Variants in IFT88 observed in about 807,000 individuals in gnomAD.
IFT88 encodes the protein intraflagellar transport 88.
Under a neutral mutation model 119.5 loss-of-function variants are expected in IFT88, and 74 were observed. The observed-to-expected ratio is 0.62, with a 90% CI of 0.51 to 0.75. The LOEUF (loss-of-function observed/expected upper bound fraction) is 0.75. IFT88 is among the 30% of genes least tolerant of loss of function. The pLI is 0.00. For missense variants in IFT88, 961 were observed against 977.7 expected, an observed-to-expected ratio of 0.98 and a Z score of 0.23; for synonymous variants, 279 against 316.7, an observed-to-expected ratio of 0.88 and a Z score of 1.26.
chr13:20,652,742 A>G (rs2140510870), intron 20 of IFT88, among the ~76,000 whole-genome samples: 1 of 152,358 alleles, frequency 6.6e-6, no homozygotes, highest in South Asian at 2.1e-4. Context: ...ATTCAGAAAC[A>G]TAAATAATAA....
chr13:20,570,423 C>A (rs1399740576), intron 1 of IFT88, among the ~76,000 whole-genome samples: 2 of 152,122 alleles, frequency 1.3e-5, no homozygotes, highest in Non-Finnish European at 2.9e-5. Flanking sequence ...CTTGTACACA[C>A]ACATTCATAG....
At chr13:20,665,536 C>T (rs1220777297) in intron 23 of IFT88, among the ~76,000 whole-genome samples, 1 of 152,082 alleles carries the variant, frequency 6.6e-6, no homozygotes, top group Admixed American at 6.5e-5. Flanking sequence ...ATATTATTGA[C>T]AAAAGTCAAC....
chr13:20,691,342 G>A lies in IFT88; in HGVS notation c.*167G>A, dbSNP rs2141363469. Reference sequence around the variant, plus strand: ...CATTTAAGTTGTTTTTTTCTTTTAAGGAATAAAAACAGGTAAAACTAATAC... The same window carrying A: ...CATTTAAGTTGTTTTTTTCTTTTAAAGAATAAAAACAGGTAAAACTAATAC... On this transcript the variant is annotated 3_prime_UTR_variant, in exon 26 of 26. Transcript: ENST00000351808. The A allele has an allele frequency of 7.0e-6, 4 of 572,900 alleles. No individual in the cohort carries two copies. The highest frequency in any genetic ancestry group is 3.2e-5 in the South Asian group (1 of 31,526). The allele number at this position is 572,900 out of a possible 1,614,324, so 35.5% of individuals were successfully genotyped here.
intron 3 of IFT88, among the ~76,000 whole-genome samples, chr13:20,585,955 C>G (rs975074202): frequency 1.3e-5 from 2 of 152,178 alleles, no homozygotes; most frequent in African/African-American, 2.4e-5. Context: ...TTATCTTATT[C>G]ATCATTCTTT....
intron 16 of IFT88, 45 bp from the exon 17 acceptor site, chr13:20,638,287 G>T (rs746404271): frequency 4.9e-6 from 5 of 1,020,076 alleles, no homozygotes; most frequent in Middle Eastern, 2.3e-4. Flanking sequence ...AGTCAGAAAA[G>T]GTATTTCATG....
chr13:20,569,331 T>C (rs1403019793), intron 1 of IFT88, among the ~76,000 whole-genome samples: 1 of 151,718 alleles, frequency 6.6e-6, no homozygotes, highest in Non-Finnish European at 1.5e-5. Context: ...CCCAGCACTT[T>C]GGGAGGCCGA....
At chr13:20,638,593 A>G in intron 17 of IFT88, 75 bp downstream of exon 17, 3 of 1,079,268 alleles carry the variant, frequency 2.8e-6, no homozygotes, top group Non-Finnish European at 3.7e-6. Flanking sequence ...GTTTTGCTTA[A>G]AGAGCTCTAA....
chr13:20,580,386 G>T, intron 2 of IFT88, among the ~76,000 whole-genome samples: 1 of 151,976 alleles, frequency 6.6e-6, no homozygotes, highest in South Asian at 2.1e-4. Flanking sequence ...CCGTGGTGGC[G>T]GGCACCTGTA....
intron 9 of IFT88, among the ~76,000 whole-genome samples, chr13:20,597,557 A>T (rs1382662904): frequency 6.6e-6 from 1 of 152,064 alleles, no homozygotes; most frequent in Non-Finnish European, 1.5e-5. Flanking sequence ...ATCCTGGCTA[A>T]CATGGTGAAA....
intron 3 of IFT88, among the ~76,000 whole-genome samples, chr13:20,585,642 G>C (rs1229334194): frequency 2.6e-5 from 4 of 152,108 alleles, no homozygotes; most frequent in African/African-American, 9.7e-5. Flanking sequence ...CTCCCATTGT[G>C]AATCACATTG....
rs749116069 is a variant in IFT88, at chr13:20,592,330, C to G, written c.329-5C>G. ...TTGAATATTAACTCTTGAATTGTGT[C>G]TCAGGCTCTGCATTTGACCCCCTTA... On this transcript the variant is annotated splice_region_variant and splice_polypyrimidine_tract_variant and intron_variant, in intron 6 of 25. Coordinates refer to ENST00000351808, the MANE Select transcript of IFT88 (RefSeq NM_006531.5). 3.1e-5 allele frequency: 50 copies of G among 1,606,040 alleles called. No individual in the cohort carries two copies. Among genetic ancestry groups the G allele is most frequent in the Non-Finnish European group, 4.0e-5 (47 of 1,176,856 alleles).
chr13:20,674,388 A>C (rs1035074587), intron 24 of IFT88, among the ~76,000 whole-genome samples: 1 of 152,166 alleles, frequency 6.6e-6, no homozygotes, highest in Non-Finnish European at 1.5e-5. Context: ...AGACACAAGA[A>C]TTCCTTCTTA....
intron 2 of IFT88, among the ~76,000 whole-genome samples, chr13:20,575,679 T>C (rs1020697336): frequency 1.3e-5 from 2 of 152,214 alleles, no homozygotes; most frequent in African/African-American, 4.8e-5. Context: ...CAGATACTGA[T>C]ATCATGCTTG....
Position 20,599,529 on chromosome 13 carries a change from C to A in IFT88, c.776C>A (p.Ala259Glu). Residue 259 changes from alanine (A) to glutamate (E), a missense_variant, in exon 11 of 26, where the codon GCA becomes GAA. Transcript: ENST00000351808. The stretch of plus-strand genomic sequence containing the variant: ...AAAGCCATTAAATTCTACCGAATGG[C>A]ATTAGACCAAGTTCCAAGTGTCAAT... ...YSKAIKFYRM[A>E]LDQVPSVNKQ... The A allele has an allele frequency of 6.5e-7, 1 of 1,549,132 alleles. No individual in the cohort carries two copies. The highest frequency in any genetic ancestry group is 8.8e-7 in the Non-Finnish European group (1 of 1,131,504).
chr13:20,618,736 C>A (rs151067929), intron 14 of IFT88, among the ~76,000 whole-genome samples: 13 of 152,186 alleles, frequency 8.5e-5, no homozygotes, highest in Middle Eastern at 3.4e-3. Context: ...TTCAACTGTT[C>A]TACTGAAAAA....
intron 13 of IFT88, 105 bp downstream of exon 13, chr13:20,605,210 T>TA (rs1298938262): frequency 6.4e-6 from 3 of 471,608 alleles, no homozygotes; most frequent in African/African-American, 6.1e-5. Context: ...AATTTAGTTT[T>TA]AATTTTTATA....
chr13:20,612,395 A>G (rs1249688538), intron 13 of IFT88: 1 of 152,218 alleles, frequency 6.6e-6, no homozygotes, highest in Non-Finnish European at 1.5e-5. Context: ...CAAAAATGAA[A>G]TTAACATTTA....
intron 13 of IFT88, among the ~76,000 whole-genome samples, chr13:20,611,564 A>T (rs1474739668): frequency 6.7e-6 from 1 of 148,800 alleles, no homozygotes; most frequent in South Asian, 2.1e-4. Flanking sequence ...TGCACCTAAG[A>T]TCAGGAACAA....
intron 24 of IFT88, among the ~76,000 whole-genome samples, chr13:20,679,104 C>A (rs887979869): frequency 1.2e-4 from 18 of 152,312 alleles, no homozygotes; most frequent in African/African-American, 4.3e-4. Flanking sequence ...CTAACTCTTT[C>A]CCACTCGTGC....
Sources: allele counts gnomAD v4.1 joint callset (sites outside exome capture counted in the v4.1 genomes callset), GRCh38; gene constraint gnomAD v4.1.1; transcripts MANE v1.5; gene names NCBI Gene and HGNC (gene_info 2026-07-23, HGNC 2026-07-21).